Variants in BCL2L13 observed in about 807,000 individuals in gnomAD.
BCL2L13 encodes bcl-2-like protein 13.
A neutral mutation model predicts 25.8 loss-of-function variants in BCL2L13; 13 were observed. That is an observed-to-expected ratio of 0.50 (90% CI 0.33 to 0.80). The LOEUF is 0.80. Ranked by LOEUF, BCL2L13 falls within the 30% of genes least tolerant of loss-of-function variation. The pLI is 0.02. For synonymous variants in BCL2L13, 244 were observed against 230.3 expected, an observed-to-expected ratio of 1.06 and a Z score of -0.54; for missense variants, 504 against 574.9, an observed-to-expected ratio of 0.88 and a Z score of 1.26.
chr22:17,646,663 A>G (rs1250659480), intron 1 of BCL2L13, among the ~76,000 whole-genome samples: 1 of 147,646 alleles, frequency 6.8e-6, no homozygotes, highest in African/African-American at 2.6e-5. Context: ...TTCAATGAGT[A>G]AAGGTAACTA....
intron 4 of BCL2L13, among the ~76,000 whole-genome samples, chr22:17,689,893 T>C (rs2060056050): frequency 1.3e-5 from 2 of 151,360 alleles, no homozygotes; most frequent in Non-Finnish European, 2.9e-5. Flanking sequence ...ATCCCAGAAG[T>C]TGCTCAACTT....
At chr22:17,653,471 GTCTT>G in intron 1 of BCL2L13, among the ~76,000 whole-genome samples, 1 of 146,132 alleles carries the variant, frequency 6.8e-6, no homozygotes, top group Non-Finnish European at 1.5e-5. Flanking sequence ...TCTTCAGTCT[GTCTT>G]CCTTACCACC....
rs79385504 is a variant in BCL2L13, at chr22:17,674,828, G to C, written c.122-8386G>C. ...AGAAATTGGCAGTGAGTTCATACTG[G>C]ATGCAAATAGTAATACTTTTTTAAA... On this transcript the variant is annotated intron_variant, in intron 2 of 6. Transcript: ENST00000317582. 4.2e-3 allele frequency among the ~76,000 whole-genome samples: 640 copies of C among 152,118 alleles called. 7 individuals carry two copies. Among genetic ancestry groups the C allele is most frequent in the African/African-American group, 0.015 (614 of 41,490 alleles).
At chr22:17,631,572 C>G (rs756570294) in intron 1 of BCL2L13, among the ~76,000 whole-genome samples, 2 of 147,600 alleles carry the variant, frequency 1.4e-5, no homozygotes, top group Non-Finnish European at 3.0e-5. Flanking sequence ...CAGTGTTTGT[C>G]AGGCTAGTCT....
At chr22:17,638,346 T>G (rs2058148963), upstream of BCL2L13, 1 of 212,594 alleles carries the variant, frequency 4.7e-6, no homozygotes, top group Non-Finnish European at 9.2e-6. Context: ...AAGGACCATC[T>G]GCCCCAACTA....
upstream of BCL2L13, among the ~76,000 whole-genome samples, chr22:17,634,703 G>A (rs968193448): frequency 1.3e-5 from 2 of 152,120 alleles, no homozygotes; most frequent in Non-Finnish European, 2.9e-5. Context: ...AGCACTTTGG[G>A]AGGCTGAGGC....
At chr22:17,664,716 G>A (rs1362678197) in intron 2 of BCL2L13, among the ~76,000 whole-genome samples, 1 of 152,194 alleles carries the variant, frequency 6.6e-6, no homozygotes. Flanking sequence ...CCCAAACCTC[G>A]GTTCTTGACT....
intron 2 of BCL2L13, among the ~76,000 whole-genome samples, chr22:17,680,215 CAAA>C (rs71201867): frequency 2.4e-4 from 16 of 67,056 alleles, no homozygotes; most frequent in South Asian, 6.0e-4. Context: ...AACTCTCTCT[CAAA>C]AAAAAAAAAA....
At chr22:17,678,781 A>G (rs1225460775) in intron 2 of BCL2L13, among the ~76,000 whole-genome samples, 1 of 152,166 alleles carries the variant, frequency 6.6e-6, no homozygotes, top group Non-Finnish European at 1.5e-5. Flanking sequence ...TGTGCTGCGT[A>G]GATGCTTCAG....
At chr22:17,660,943 C>T (rs1312006953) in intron 2 of BCL2L13, among the ~76,000 whole-genome samples, 1 of 143,380 alleles carries the variant, frequency 7.0e-6, no homozygotes, top group East Asian at 2.0e-4. Context: ...TGCCACCACA[C>T]CCAGCTAATT....
At position 17,660,788 on chromosome 22, in the gene BCL2L13, T is replaced by G. The variant is rs937709725; in HGVS notation, c.121+4956T>G. ...TAATGTTTTTTATTATTCCATTTCTTTATTTGTTTGCTTTTCTTTGAGACA... is the reference window on the plus strand; with the variant it reads ...TAATGTTTTTTATTATTCCATTTCTGTATTTGTTTGCTTTTCTTTGAGACA... On this transcript the variant is annotated intron_variant, in intron 2 of 6. Coordinates refer to ENST00000317582, the MANE Select transcript of BCL2L13 (RefSeq NM_015367.4). Among the ~76,000 whole-genome samples, 116 of 146,036 alleles carry G rather than the reference T, an allele frequency of 7.9e-4. 3 individuals are homozygous for G. Among genetic ancestry groups the G allele is most frequent in the African/African-American group, 2.5e-3 (103 of 41,028 alleles).
At chr22:17,705,025 A>T (rs1159727229) in intron 6 of BCL2L13, among the ~76,000 whole-genome samples, 1 of 151,768 alleles carries the variant, frequency 6.6e-6, no homozygotes, top group Non-Finnish European at 1.5e-5. Context: ...TGAAGAATGT[A>T]CACTTTTTTA....
intron 1 of BCL2L13, among the ~76,000 whole-genome samples, chr22:17,654,730 C>T (rs2058798397): frequency 6.6e-6 from 1 of 151,412 alleles, no homozygotes; most frequent in Non-Finnish European, 1.5e-5. Flanking sequence ...GGCCTGTCTT[C>T]TCTTTTTTTA....
intron 1 of BCL2L13, among the ~76,000 whole-genome samples, chr22:17,652,504 T>G (rs1052317175): frequency 1.3e-5 from 2 of 152,150 alleles, no homozygotes; most frequent in South Asian, 2.1e-4. Context: ...AGTGGTGTGA[T>G]CTCGGCTCAT....
upstream of BCL2L13, among the ~76,000 whole-genome samples, chr22:17,636,555 C>T (rs1031185641): frequency 2.5e-4 from 38 of 150,848 alleles, no homozygotes; most frequent in African/African-American, 6.8e-4. Context: ...TTTGGGAGGC[C>T]GAGAGGGGTG....
intron 6 of BCL2L13, among the ~76,000 whole-genome samples, chr22:17,723,749 A>G (rs2061215574): frequency 6.6e-6 from 1 of 152,138 alleles, no homozygotes. Context: ...CCTGGCCAAC[A>G]TGGTGAAACC....
At chr22:17,700,827 TAG>T (rs1020261630) in intron 5 of BCL2L13, among the ~76,000 whole-genome samples, 8 of 152,218 alleles carry the variant, frequency 5.3e-5, no homozygotes, top group Non-Finnish European at 8.8e-5. Context: ...CAGATTTTGA[TAG>T]AGATTCCCCC....
At chr22:17,687,295 T>C (rs914601299) in intron 3 of BCL2L13, among the ~76,000 whole-genome samples, 10 of 152,160 alleles carry the variant, frequency 6.6e-5, no homozygotes, top group African/African-American at 2.4e-4. Context: ...CAACAAGTTA[T>C]GACTGCTTTT....
chr22:17,723,781 G>A lies in BCL2L13; in HGVS notation c.601-2896G>A, dbSNP rs551727618. ...AACCCCGTCTCTACTAAAAATACAA[G>A]TATTAGCTGGGCATGGTGGCGTGCA... On this transcript the variant is annotated intron_variant, in intron 6 of 6. Transcript: ENST00000317582. 2.0e-5 allele frequency among the ~76,000 whole-genome samples: 3 copies of A among 151,710 alleles called. No individual in the cohort carries two copies. In the South Asian group the frequency reaches 6.2e-4, roughly 32 times the overall value.
Sources: allele counts gnomAD v4.1 joint callset (sites outside exome capture counted in the v4.1 genomes callset), GRCh38; gene constraint gnomAD v4.1.1; transcripts MANE v1.5; gene names NCBI Gene and HGNC (gene_info 2026-07-23, HGNC 2026-07-21).